SENP8: variants seen among roughly 807,000 people sequenced by gnomAD.
The protein encoded by SENP8 is sentrin-specific protease 8.
In SENP8, 10 loss-of-function variants were observed where a neutral mutation model predicts 14.4. That is an observed-to-expected ratio of 0.69 (90% CI 0.43 to 1.18). SENP8 has a LOEUF of 1.18. SENP8 is among the 50% of genes most tolerant of loss of function. SENP8 has a pLI of 0.00. For synonymous variants in SENP8, 94 were observed against 95.5 expected (o/e 0.98, Z 0.09); for missense variants, 202 against 249.4 (o/e 0.81, Z 1.28).
Position 72,140,528 on chromosome 15 carries a change from G to T in SENP8, c.*266G>T. 2.3e-6 allele frequency: 1 copy of T among 434,282 alleles called. No homozygotes were observed. The highest frequency in any genetic ancestry group is 4.3e-6 in the Non-Finnish European group (1 of 234,142). The allele number at this position is 434,282 out of a possible 1,614,324, so 26.9% of individuals were successfully genotyped here. A position where few individuals can be genotyped will look rare whatever the true frequency, so the allele number is the denominator to read the frequency against. On this transcript the variant is annotated 3_prime_UTR_variant, in exon 2 of 2. Transcript: ENST00000340912. ...CTTATTTGAACATTTATTACACACA[G>T]GGTTTACGTAAGACTTTTCTTATTG...
Position 72,140,564 on chromosome 15 carries a change from A to C in SENP8, c.*302A>C. ...AGACTTTTCTTATTGGTATATAATTAATTTCCTTTGGTCTCCCTTATCCAC... is the reference window on the plus strand; with the variant it reads ...AGACTTTTCTTATTGGTATATAATTCATTTCCTTTGGTCTCCCTTATCCAC... On this transcript the variant is annotated 3_prime_UTR_variant, in exon 2 of 2. Transcript: ENST00000340912. 3.2e-6 allele frequency: 1 copy of C among 311,384 alleles called. No individual in the cohort carries two copies. The highest frequency in any genetic ancestry group is 6.3e-6 in the Non-Finnish European group (1 of 159,248). 19.3% of individuals were successfully genotyped at this position (311,384 alleles called of 1,614,324 possible). A position where few individuals can be genotyped will look rare whatever the true frequency, so the allele number is the denominator to read the frequency against.
At position 72,119,185 on chromosome 15, in the gene SENP8, C is replaced by A. The variant is rs961180204; in HGVS notation, c.-48+721C>A. Among the ~76,000 whole-genome samples, 4 of 152,192 alleles carry A rather than the reference C, an allele frequency of 2.6e-5. No individual in the cohort carries two copies. The East Asian group carries it at 7.7e-4, about 29-fold the overall frequency. On this transcript the variant is annotated intron_variant, in intron 1 of 1. Coordinates refer to ENST00000340912, the MANE Select transcript of SENP8 (RefSeq NM_145204.4). ...AAGACTCAAAAGCGTACCATGAAAC[C>A]GAGAAGTGGCCTCTTCGAGGGTGAG...
intron 1 of SENP8, among the ~76,000 whole-genome samples, chr15:72,122,816 C>T (rs1567065698): frequency 1.3e-5 from 2 of 152,218 alleles, no homozygotes; most frequent in Non-Finnish European, 2.9e-5. Flanking sequence ...CAGAAAATTT[C>T]TGAAAGTTCC....
chr15:72,118,055 C>T (rs1268759304), upstream of SENP8: 20 of 396,038 alleles, frequency 5.1e-5, no homozygotes, highest in Admixed American at 1.3e-4. Context: ...CAACCGCCGC[C>T]GCGTCCCTTA....
At chr15:72,119,306 C>T (rs886512043) in intron 1 of SENP8, among the ~76,000 whole-genome samples, 1 of 152,190 alleles carries the variant, frequency 6.6e-6, no homozygotes, top group African/African-American at 2.4e-5. Context: ...AAAACCAATA[C>T]TGTTGCCCCA....
intron 1 of SENP8, among the ~76,000 whole-genome samples, chr15:72,129,082 G>T (rs1295746333): frequency 6.6e-6 from 1 of 152,158 alleles, no homozygotes; most frequent in Non-Finnish European, 1.5e-5. Flanking sequence ...CTGAAGTTTT[G>T]AGAATTGCTG....
chr15:72,129,997 C>G (rs1335884568), intron 1 of SENP8, among the ~76,000 whole-genome samples: 1 of 151,938 alleles, frequency 6.6e-6, no homozygotes, highest in African/African-American at 2.4e-5. Flanking sequence ...ACCAGCCTGG[C>G]CAACATGGTG....
In SENP8 at chr15:72,140,160, T is replaced by TA; in HGVS notation, c.538dup (p.Arg180LysfsTer32). 6.2e-7 allele frequency: 1 copy of TA among 1,614,138 alleles called. No individual in the cohort carries two copies. The highest frequency in any genetic ancestry group is 8.5e-7 in the Non-Finnish European group (1 of 1,180,016). On this transcript the variant is annotated frameshift_variant, in exon 2 of 2. Coordinates refer to ENST00000340912, the MANE Select transcript of SENP8 (RefSeq NM_145204.4). LOFTEE classifies it high-confidence loss of function. Reference sequence around the variant, plus strand: ...CTGAGGCCTTGTGTCAGAACTTCTTTAGGCAACAGACAGAATCACTGCTGC... The same window carrying TA: ...CTGAGGCCTTGTGTCAGAACTTCTTTAAGGCAACAGACAGAATCACTGCTGC...
chr15:72,139,667 AATCAG>A lies in SENP8; in HGVS notation c.47_51del (p.Ser16CysfsTer12), dbSNP rs765082411. 1 of 1,614,214 alleles carries A rather than the reference AATCAG, an allele frequency of 6.2e-7. No individual in the cohort carries two copies. The highest frequency in any genetic ancestry group is 8.5e-7 in the Non-Finnish European group (1 of 1,180,026). On this transcript the variant is annotated frameshift_variant, in exon 2 of 2. Transcript: ENST00000340912. LOFTEE classifies it high-confidence loss of function. The stretch of plus-strand genomic sequence containing the variant: ...AGTTACATGGACAGTCTACTGCGGC[AATCAG>A]ATGTCTCACTATTGGATCCGCCAAG...
upstream of SENP8, chr15:72,118,015 G>A (rs1679501728): frequency 5.0e-6 from 2 of 398,400 alleles, no homozygotes; most frequent in Non-Finnish European, 8.8e-6. Flanking sequence ...CGCAGTCCGG[G>A]CTGTCCTGTA....
intron 1 of SENP8, among the ~76,000 whole-genome samples, chr15:72,130,973 C>T (rs1460710274): frequency 6.6e-6 from 1 of 152,164 alleles, no homozygotes; most frequent in Non-Finnish European, 1.5e-5. Flanking sequence ...GAAACTTAGA[C>T]ATCAGAATAA....
chr15:72,120,578 C>T (rs972295736), intron 1 of SENP8, among the ~76,000 whole-genome samples: 7 of 152,038 alleles, frequency 4.6e-5, no homozygotes, highest in African/African-American at 1.2e-4. Flanking sequence ...GTTGGCAGTC[C>T]ACCTTATAGA....
intron 1 of SENP8, 133 bp from the exon 2 acceptor site, chr15:72,139,444 A>T: frequency 1.2e-6 from 1 of 818,122 alleles, no homozygotes. Context: ...GTGTAAGTAG[A>T]TCTGCACAGA....
chr15:72,117,584 G>C (rs2151283702), upstream of SENP8: 1 of 385,060 alleles, frequency 2.6e-6, no homozygotes, highest in South Asian at 1.4e-4. Context: ...GTCTCCGCTG[G>C]GACGGGGCGG....
chr15:72,134,999 A>G, intron 1 of SENP8: 2 of 320,476 alleles, frequency 6.2e-6, no homozygotes, highest in Admixed American at 4.0e-5. Context: ...GCCAAAGAGA[A>G]AAGAGCCTGG....
intron 1 of SENP8, among the ~76,000 whole-genome samples, chr15:72,126,301 G>T (rs900586522): frequency 1.6e-4 from 24 of 152,084 alleles, no homozygotes; most frequent in African/African-American, 5.6e-4. Context: ...GGGGCTAGTG[G>T]CTACTGTATT....
At chr15:72,127,948 G>A (rs1202768629) in intron 1 of SENP8, among the ~76,000 whole-genome samples, 1 of 152,156 alleles carries the variant, frequency 6.6e-6, no homozygotes, top group African/African-American at 2.4e-5. Context: ...TAATTAGCCA[G>A]ACATGGTGGT....
rs2081215379 is a variant in SENP8, at chr15:72,126,021, C to T, written c.-48+7557C>T. ...TATTTTCAGTAGAGATGGGGTTTTG[C>T]CATATTGGCCAGGCGGGTCTCAAGC... is the stretch of plus-strand genomic sequence containing the variant. On this transcript the variant is annotated intron_variant, in intron 1 of 1. Transcript: ENST00000340912. Among the ~76,000 whole-genome samples the T allele has an allele frequency of 2.0e-5, 3 of 151,984 alleles. No individual in the cohort carries two copies. The South Asian group carries it at 6.2e-4, about 32-fold the overall frequency.
At position 72,140,291 on chromosome 15, in the gene SENP8, G is replaced by A; in HGVS notation, c.*29G>A. On this transcript the variant is annotated 3_prime_UTR_variant, in exon 2 of 2. Coordinates refer to ENST00000340912, the MANE Select transcript of SENP8 (RefSeq NM_145204.4). ...TTGAAGTATATTTGCGACTTTTGAA[G>A]GCTCCTCTTTCTGCCCTTCCCCATT... The A allele has an allele frequency of 6.5e-7, 1 of 1,528,696 alleles. No homozygotes were observed. 94.7% of individuals were successfully genotyped at this position (1,528,696 alleles called of 1,614,324 possible). A position where few individuals can be genotyped will look rare whatever the true frequency, so the allele number is the denominator to read the frequency against.
Sources: gnomAD v4.1 joint callset for allele counts (sites outside exome capture counted in the v4.1 genomes callset) on GRCh38, gnomAD v4.1.1 for gene constraint, MANE v1.5 for transcripts, NCBI Gene and HGNC (gene_info 2026-07-23, HGNC 2026-07-21) for gene names.